SCN9A: variants seen among roughly 807,000 people sequenced by gnomAD.
The protein encoded by SCN9A is sodium voltage-gated channel alpha subunit 9.
A neutral mutation model predicts 187.0 loss-of-function variants in SCN9A; 131 were observed. The ratio of observed to expected loss-of-function variants is 0.70; its 90% CI spans 0.61 to 0.81. The LOEUF (loss-of-function observed/expected upper bound fraction) is 0.81, where lower values mean the gene tolerates loss of function less well. SCN9A is among the 30% of genes least tolerant of loss of function. The pLI, the probability that SCN9A is intolerant of heterozygous loss-of-function variation, is 0.00. For synonymous variants in SCN9A, 809 were observed against 808.6 expected (o/e 1.00, Z -0.01); for missense variants, 2,252 against 2,396.6 (o/e 0.94, Z 1.26).
At chr2:166,306,714 T>C (rs1698770422) in intron 3 of SCN9A, 115 bp from the exon 4 acceptor site, 5 of 776,692 alleles carry the variant, frequency 6.4e-6, no homozygotes, top group Non-Finnish European at 1.1e-5. Context: ...AATGAGCTTG[T>C]AGACTATTTT....
At chr2:166,302,097 C>T (rs770387883) in intron 7 of SCN9A, 5 of 150,808 alleles carry the variant, frequency 3.3e-5, no homozygotes, top group Non-Finnish European at 7.4e-5. Flanking sequence ...CTGACCTTTC[C>T]TCCCTCATTT....
intron 18 of SCN9A, chr2:166,248,124 T>G (rs1232989838): frequency 6.6e-6 from 1 of 152,136 alleles, no homozygotes; most frequent in Non-Finnish European, 1.5e-5. Context: ...AACATTTATC[T>G]TCAGTAAAAA....
chr2:166,374,337 A>G (rs1700635376), intron 1 of SCN9A, among the ~76,000 whole-genome samples: 1 of 152,206 alleles, frequency 6.6e-6, no homozygotes, highest in African/African-American at 2.4e-5. Context: ...CCAAACTATC[A>G]GTTGCCTAAA....
At chr2:166,360,385 A>C (rs1287134947) in intron 1 of SCN9A, among the ~76,000 whole-genome samples, 1 of 152,206 alleles carries the variant, frequency 6.6e-6, no homozygotes, top group Non-Finnish European at 1.5e-5. Flanking sequence ...ATAAAGGAAG[A>C]CAGAAAATAC....
At chr2:166,319,214 T>C (rs1169044597) in intron 1 of SCN9A, among the ~76,000 whole-genome samples, 1 of 152,116 alleles carries the variant, frequency 6.6e-6, no homozygotes, top group Non-Finnish European at 1.5e-5. Flanking sequence ...AGAAAATATT[T>C]TGAATCAAAT....
At chr2:166,251,278 TAGAG>T (rs1696024395) in intron 18 of SCN9A, among the ~76,000 whole-genome samples, 1 of 151,822 alleles carries the variant, frequency 6.6e-6, no homozygotes, top group Admixed American at 6.6e-5. Context: ...ATTAAAGAAA[TAGAG>T]AGAGGAACTC....
At chr2:166,302,230 CAGA>C (rs1698585953) in intron 7 of SCN9A, 7 of 143,690 alleles carry the variant, frequency 4.9e-5, no homozygotes, top group African/African-American at 2.1e-4. Flanking sequence ...TTCCAGGTGT[CAGA>C]CAGAAAGTAC....
chr2:166,263,614 T>C (rs73021662), intron 17 of SCN9A, among the ~76,000 whole-genome samples: 1 of 152,134 alleles, frequency 6.6e-6, no homozygotes, highest in East Asian at 1.9e-4. Context: ...GTCAAAATTC[T>C]TTGTTGTGGG....
chr2:166,298,608 TG>T (rs1698419602), intron 7 of SCN9A: 1 of 149,888 alleles, frequency 6.7e-6, no homozygotes, highest in Non-Finnish European at 1.5e-5. Context: ...TATAATTCCT[TG>T]ATCTTTTAAA....
intron 1 of SCN9A, among the ~76,000 whole-genome samples, chr2:166,327,638 A>C (rs1293149804): frequency 6.6e-6 from 1 of 151,302 alleles, no homozygotes; most frequent in Non-Finnish European, 1.5e-5. Context: ...GAGTAAAAAC[A>C]CTGGAATTGA....
At chr2:166,281,038 C>A (rs530578122) in intron 13 of SCN9A, among the ~76,000 whole-genome samples, 98 of 152,238 alleles carry the variant, frequency 6.4e-4, no homozygotes, top group Admixed American at 1.8e-3. Flanking sequence ...AATCCTAGAA[C>A]CAAGCAACTA....
chr2:166,321,227 T>C (rs1699229889), intron 1 of SCN9A, among the ~76,000 whole-genome samples: 2 of 152,256 alleles, frequency 1.3e-5, no homozygotes, highest in East Asian at 1.9e-4. Context: ...AAACATAAAT[T>C]CCATTCAATA....
At chr2:166,331,637 GGATT>G (rs1559045937) in intron 1 of SCN9A, among the ~76,000 whole-genome samples, 1 of 152,034 alleles carries the variant, frequency 6.6e-6, no homozygotes, top group Non-Finnish European at 1.5e-5. Flanking sequence ...TTTATAAACT[GGATT>G]ATTACACAAT....
intron 4 of SCN9A, among the ~76,000 whole-genome samples, chr2:166,306,191 C>A (rs754113212): frequency 6.6e-6 from 1 of 152,058 alleles, no homozygotes; most frequent in Non-Finnish European, 1.5e-5. Flanking sequence ...TTGCTTCTAT[C>A]AAAAATTCAC....
chr2:166,366,152 G>T (rs769774967), intron 1 of SCN9A, among the ~76,000 whole-genome samples: 3 of 152,106 alleles, frequency 2.0e-5, no homozygotes, highest in Non-Finnish European at 2.9e-5. Context: ...CATTTTGGAG[G>T]CCAACTAGAC....
intron 22 of SCN9A, among the ~76,000 whole-genome samples, chr2:166,228,050 T>C (rs1333325517): frequency 6.6e-6 from 1 of 152,070 alleles, no homozygotes; most frequent in Non-Finnish European, 1.5e-5. Flanking sequence ...GGGTTCTCCA[T>C]GCCTGTGGGA....
intron 1 of SCN9A, among the ~76,000 whole-genome samples, chr2:166,368,382 C>G (rs1700468467): frequency 1.3e-5 from 2 of 152,236 alleles, no homozygotes; most frequent in African/African-American, 4.8e-5. Flanking sequence ...ACCTGTAATC[C>G]CAACACTTTA....
At position 166,195,400 on chromosome 2, in the gene SCN9A, A is replaced by G. The variant is rs1395144508; in HGVS notation, c.*3272T>C. 1 of 152,174 alleles carries G rather than the reference A, an allele frequency of 6.6e-6. No homozygotes were observed. Among genetic ancestry groups the G allele is most frequent in the East Asian group, 1.9e-4 (1 of 5,198 alleles). The allele number at this position is 152,174 out of a possible 1,614,324, so 9.4% of individuals were successfully genotyped here. On this transcript the variant is annotated 3_prime_UTR_variant, in exon 27 of 27. Coordinates refer to ENST00000642356, the MANE Select transcript of SCN9A (RefSeq NM_001365536.1). ...GCAATTCTTGATTGTTTTCCTCAAG[A>G]AGATAATAACATAATAAACCACAGA...
At chr2:166,209,310 C>T (rs149257293) in intron 24 of SCN9A, among the ~76,000 whole-genome samples, 16 of 152,066 alleles carry the variant, frequency 1.1e-4, no homozygotes, top group East Asian at 1.9e-4. Flanking sequence ...AAAAGAAATC[C>T]GCAGTTACTG....
Sources: allele counts gnomAD v4.1 joint callset (sites outside exome capture counted in the v4.1 genomes callset), GRCh38; gene constraint gnomAD v4.1.1; transcripts MANE v1.5; gene names NCBI Gene and HGNC (gene_info 2026-07-23, HGNC 2026-07-21).